Variants in TEX15 observed in about 807,000 individuals in gnomAD.
TEX15 encodes testis-expressed protein 15.
A neutral mutation model predicts 237.3 loss-of-function variants in TEX15; 171 were observed. The ratio of observed to expected loss-of-function variants is 0.72; its 90% CI spans 0.64 to 0.82. The LOEUF (loss-of-function observed/expected upper bound fraction) is 0.82. Ranked by LOEUF, TEX15 falls within the 40% of genes least tolerant of loss-of-function variation. TEX15 has a pLI of 0.00. For missense variants in TEX15, 3,750 were observed against 3,646.5 expected (o/e 1.03, Z -0.73); for synonymous variants, 1,338 against 1,269.8 (o/e 1.05, Z -1.14).
In TEX15 at chr8:30,843,028, T is replaced by G. The variant is rs1389606664; in HGVS notation, c.7139A>C (p.Glu2380Ala). The G allele has an allele frequency of 8.7e-6, 14 of 1,613,616 alleles. No individual in the cohort carries two copies. Among genetic ancestry groups the G allele is most frequent in the Non-Finnish European group, 1.2e-5 (14 of 1,179,726 alleles). Reference sequence around the variant, plus strand: ...CTGTAATTTTTTAAGGTCTGCAAATTCAGCCTGATCCAATATCTCACTAAT... The same window carrying G: ...CTGTAATTTTTTAAGGTCTGCAAATGCAGCCTGATCCAATATCTCACTAAT... ...CCISEILDQA[E>A]FADLKKLQDL... Residue 2380 changes from glutamate to alanine, a missense_variant, in exon 8 of 11, where the codon GAA becomes GCA. Physicochemically the swap from Glu to Ala is moderately radical, Grantham distance 107 (BLOSUM62 -1). Transcript: ENST00000643185.
intron 4 of TEX15, among the ~76,000 whole-genome samples, chr8:30,872,459 T>C (rs1219504068): frequency 6.6e-6 from 1 of 152,194 alleles, no homozygotes; most frequent in Non-Finnish European, 1.5e-5. Flanking sequence ...ACTATGTTGT[T>C]GGTTTATGTA....
chr8:30,838,195 T>C, intron 9 of TEX15, 134 bp from the exon 10 acceptor site: 1 of 746,728 alleles, frequency 1.3e-6, no homozygotes, highest in East Asian at 3.0e-5. Flanking sequence ...CTATTGGCAC[T>C]ATACAAGTTA....
At chr8:30,906,638 G>A (rs79983864) in intron 1 of TEX15, among the ~76,000 whole-genome samples, 3,555 of 151,002 alleles carry the variant, frequency 0.024, 65 homozygotes, top group Middle Eastern at 0.069. Flanking sequence ...ATATATTAAA[G>A]TGCTTGTATT....
chr8:30,847,476 G>A lies in TEX15; in HGVS notation c.2691C>T (p.Ser897=). Residue 897 remains serine (S), a synonymous_variant, in exon 8 of 11, where the codon AGC becomes AGT. Coordinates refer to ENST00000643185, the MANE Select transcript of TEX15 (RefSeq NM_001350162.2). ...TTTTGTCCTCCTTTTCATCTATATT[G>A]CTGAAATTTTCGTTTGTATGAGAAT... ...KQDSHTNENF[S]NIDEKEDKNY... 6.2e-7 allele frequency: 1 copy of A among 1,612,572 alleles called. No individual in the cohort carries two copies. Among genetic ancestry groups the A allele is most frequent in the Non-Finnish European group, 8.5e-7 (1 of 1,179,688 alleles).
chr8:30,892,406 CA>C (rs762605239), intron 2 of TEX15, among the ~76,000 whole-genome samples: 130 of 151,400 alleles, frequency 8.6e-4, no homozygotes, highest in Non-Finnish European at 1.4e-3. Context: ...TGAGCAAAAC[CA>C]GAAGAAAAAA....
intron 1 of TEX15, among the ~76,000 whole-genome samples, chr8:30,911,091 C>G (rs1277351320): frequency 6.6e-6 from 1 of 152,072 alleles, no homozygotes; most frequent in Non-Finnish European, 1.5e-5. Context: ...AATGTGAACT[C>G]AACGACATTT....
At chr8:30,834,305 T>TGTA (rs926095726) in intron 10 of TEX15, among the ~76,000 whole-genome samples, 1 of 152,170 alleles carries the variant, frequency 6.6e-6, no homozygotes, top group African/African-American at 2.4e-5. Flanking sequence ...CCCATGTAGC[T>TGTA]GGGATTACAG....
intron 7 of TEX15, among the ~76,000 whole-genome samples, chr8:30,854,465 A>C (rs574335329): frequency 4.6e-5 from 7 of 152,114 alleles, no homozygotes; most frequent in Non-Finnish European, 7.4e-5. Context: ...ATAAGAACAG[A>C]CCTAAAACAA....
At position 30,860,060 on chromosome 8, in the gene TEX15, A is replaced by T. The variant is rs1808010255; in HGVS notation, c.541-3T>A. The T allele has an allele frequency of 1.1e-5, 4 of 378,648 alleles. No homozygotes were observed. The Admixed American group carries it at 2.2e-4, about 21-fold the overall frequency. The allele number at this position is 378,648 out of a possible 1,614,324, so 23.5% of individuals were successfully genotyped here. ...TTCTTCACTTTTCCAAAGAGAACCT[A>T]AAAAAAAAAAAGCCAAAAAAAAAGT... On this transcript the variant is annotated splice_region_variant and splice_polypyrimidine_tract_variant and intron_variant, in intron 5 of 10. Transcript: ENST00000643185.
chr8:30,881,444 T>C (rs1253212432), intron 3 of TEX15, among the ~76,000 whole-genome samples: 1 of 152,118 alleles, frequency 6.6e-6, no homozygotes, highest in Non-Finnish European at 1.5e-5. Flanking sequence ...GTTTGTACTT[T>C]TGATACAACC....
chr8:30,848,175 T>C lies in TEX15; in HGVS notation c.1992A>G (p.Gln664=), dbSNP rs757807041. Residue 664 remains glutamine, a synonymous_variant, in exon 8 of 11, where the codon CAA becomes CAG. Coordinates refer to ENST00000643185, the MANE Select transcript of TEX15 (RefSeq NM_001350162.2). ...TATGACTCTCACTCTCTTTGTATTC[T>C]TGGTGCAAAACAATGTAATTATCTA... ...SPIDNYIVLH[Q]EYKESESHNS... 6.2e-7 allele frequency: 1 copy of C among 1,611,310 alleles called. No individual in the cohort carries two copies. Among genetic ancestry groups the C allele is most frequent in the Non-Finnish European group, 8.5e-7 (1 of 1,179,388 alleles).
chr8:30,872,190 A>AC (rs773327327), intron 4 of TEX15, among the ~76,000 whole-genome samples: 1 of 151,936 alleles, frequency 6.6e-6, no homozygotes, highest in Non-Finnish European at 1.5e-5. Context: ...ATCAATTTCT[A>AC]CCCCCAGATT....
chr8:30,847,255 T>G lies in TEX15; in HGVS notation c.2912A>C (p.Lys971Thr). Residue 971 changes from lysine (K) to threonine (T), a missense_variant, in exon 8 of 11, where the codon AAA (lysine) becomes ACA (threonine). Transcript: ENST00000643185. ...VEHLASTTFP[K>T]TASSSVCVAS... ...TACACACACTGAAGAACTTGCAGTT[T>G]TGGGAAATGTCGTGGAAGCCAAATG... 6.2e-7 allele frequency: 1 copy of G among 1,613,980 alleles called. No individual in the cohort carries two copies. Among genetic ancestry groups the G allele is most frequent in the Non-Finnish European group, 8.5e-7 (1 of 1,179,868 alleles).
At chr8:30,840,014 A>G in intron 8 of TEX15, 50 bp from the exon 9 acceptor site, 2 of 1,099,312 alleles carry the variant, frequency 1.8e-6, no homozygotes, top group Non-Finnish European at 2.6e-6. Flanking sequence ...GACAAACTAT[A>G]ATAAAAATAA....
In TEX15 at chr8:30,842,955, G is replaced by A; in HGVS notation, c.7212C>T (p.Tyr2404=). The A allele has an allele frequency of 6.2e-7, 1 of 1,610,706 alleles. No individual in the cohort carries two copies. Among genetic ancestry groups the A allele is most frequent in the Non-Finnish European group, 8.5e-7 (1 of 1,178,912 alleles). ...TGTTATTATCTTGTAGCATCTGAAA[G>A]TATTTTTTTAAAATTTCTAAGTGAT... ...CTDHLEILKK[Y]FQMLQDNNMD... The change falls in exon 8 of 11, where the codon TAC becomes TAT. Residue 2404 remains tyrosine (Y), a synonymous_variant. Coordinates refer to ENST00000643185, the MANE Select transcript of TEX15 (RefSeq NM_001350162.2).
At chr8:30,863,402 T>A (rs959259757) in intron 5 of TEX15, among the ~76,000 whole-genome samples, 1 of 152,124 alleles carries the variant, frequency 6.6e-6, no homozygotes, top group African/African-American at 2.4e-5. Context: ...AGCTGTACAG[T>A]GTTCCTGGAG....
In TEX15 at chr8:30,847,274, C is replaced by T. The variant is rs143356806; in HGVS notation, c.2893G>A (p.Ala965Thr). ...GCAGTTTTGGGAAATGTCGTGGAAG[C>T]CAAATGCTCTACACTTCTTCCAGTA... ...ENTGRSVEHL[A>T]STTFPKTASS... Residue 965 changes from alanine (A) to threonine (T), a missense_variant, in exon 8 of 11, where the codon GCT (alanine) becomes ACT (threonine). Transcript: ENST00000643185. The T allele has an allele frequency of 1.2e-5, 20 of 1,613,946 alleles. No individual in the cohort carries two copies. The African/African-American group carries it at 2.1e-4, about 17-fold the overall frequency.
At chr8:30,909,255 C>T (rs796435958) in intron 1 of TEX15, among the ~76,000 whole-genome samples, 1 of 151,760 alleles carries the variant, frequency 6.6e-6, no homozygotes, top group South Asian at 2.1e-4. Context: ...TTTTGTATAC[C>T]TAGGGTCTAA....
Position 30,846,937 on chromosome 8 carries a change from T to C in TEX15, c.3230A>G (p.Asp1077Gly), listed in dbSNP as rs752283060. 3.7e-6 allele frequency: 6 copies of C among 1,613,688 alleles called. No individual in the cohort carries two copies. The highest frequency in any genetic ancestry group is 5.1e-6 in the Non-Finnish European group (6 of 1,179,650). ...AAGCATGTTTTCATGGCTATGTGTATCTTGTTGAAATATAAAAGCATCATC... is the reference window on the plus strand; with the variant it reads ...AAGCATGTTTTCATGGCTATGTGTACCTTGTTGAAATATAAAAGCATCATC... The part of the protein sequence containing the change: ...DCDDAFIFQQ[D>G]THSHENMLCE... Residue 1077 changes from aspartate (D) to glycine (G), a missense_variant, in exon 8 of 11, where the codon GAT becomes GGT. Coordinates refer to ENST00000643185, the MANE Select transcript of TEX15 (RefSeq NM_001350162.2).
Sources: gnomAD v4.1 joint callset for allele counts (sites outside exome capture counted in the v4.1 genomes callset) on GRCh38, gnomAD v4.1.1 for gene constraint, MANE v1.5 for transcripts, NCBI Gene and HGNC (gene_info 2026-07-23, HGNC 2026-07-21) for gene names.